The following UTP4 variants were observed in gnomAD, a reference collection of about 807,000 sequenced individuals.
The protein encoded by UTP4 is UTP4 small subunit processome component.
Under a neutral mutation model 82.4 loss-of-function variants are expected in UTP4, and 45 were observed. The ratio of observed to expected loss-of-function variants is 0.55; its 90% CI spans 0.43 to 0.70. UTP4 has a LOEUF of 0.70. Ranked by LOEUF, UTP4 falls within the 30% of genes least tolerant of loss-of-function variation. The pLI is 0.00. For synonymous variants in UTP4, 348 were observed against 300.3 expected, an observed-to-expected ratio of 1.16 and a Z score of -1.64; for missense variants, 819 against 858.3, an observed-to-expected ratio of 0.95 and a Z score of 0.57.
chr16:69,165,903 T>C (rs1382921603), intron 15 of UTP4: 3 of 374,374 alleles, frequency 8.0e-6, no homozygotes, highest in Non-Finnish European at 1.5e-5. Context: ...CTTTGAACTC[T>C]GGGGTATCTG....
At chr16:69,155,183 T>A (rs1399295989) in intron 10 of UTP4, among the ~76,000 whole-genome samples, 1 of 152,216 alleles carries the variant, frequency 6.6e-6, no homozygotes, top group African/African-American at 2.4e-5. Flanking sequence ...TTTGTTTGCT[T>A]ACTTTTTTGA....
intron 14 of UTP4, among the ~76,000 whole-genome samples, chr16:69,164,791 G>T (rs1050349078): frequency 6.6e-6 from 1 of 151,900 alleles, no homozygotes; most frequent in African/African-American, 2.4e-5. Flanking sequence ...CTGTGTTTCA[G>T]AATGGGCATG....
Position 69,150,670 on chromosome 16 carries a change from G to A in UTP4, c.872G>A (p.Arg291His), listed in dbSNP as rs760350216. 27 of 1,614,094 alleles carry A rather than the reference G, an allele frequency of 1.7e-5. No homozygotes were observed. Among genetic ancestry groups the A allele is most frequent in the African/African-American group, 4.0e-5 (3 of 74,942 alleles). The change falls in exon 7 of 17, where the codon CGC (arginine) becomes CAC (histidine). Residue 291 changes from arginine (R) to histidine (H), a missense_variant. Transcript: ENST00000314423. ...TTCCAGCATCACACTCATGACGTGCGCACTGTGGCCCACAGCCCAACAGCG... is the reference window on the plus strand; with the variant it reads ...TTCCAGCATCACACTCATGACGTGCACACTGTGGCCCACAGCCCAACAGCG... ...KPFQHHTHDV[R>H]TVAHSPTALI...
In UTP4 at chr16:69,136,448, C is replaced by T. The variant is rs188241267; in HGVS notation, c.160-248C>T. ...TCACTCTGTCGTCCAGGCTGGAATG[C>T]AGTTCAAACCTTTTCTGCTGAAAAT... On this transcript the variant is annotated intron_variant, in intron 2 of 16. Transcript: ENST00000314423. Among the ~76,000 whole-genome samples, 3 of 152,328 alleles carry T rather than the reference C, an allele frequency of 2.0e-5. No individual in the cohort carries two copies. In the East Asian group the frequency reaches 5.8e-4, roughly 29 times the overall value.
intron 12 of UTP4, among the ~76,000 whole-genome samples, chr16:69,158,936 C>T (rs1963495046): frequency 6.6e-6 from 1 of 152,148 alleles, no homozygotes; most frequent in African/African-American, 2.4e-5. Flanking sequence ...TTTAAAGTCT[C>T]TAGATGACAA....
Position 69,137,818 on chromosome 16 carries a change from A to C in UTP4, c.369A>C (p.Gly123=). ...TCAAATAGGTTGGTTGTGAAGATGG[A>C]TCTGTGAAACTATTTCAAATTACCC... ...GSQLLVGCED[G]SVKLFQITPD... is the part of the protein sequence containing the mutation. The change falls in exon 4 of 17, where the codon GGA becomes GGC. Residue 123 remains glycine (G), a synonymous_variant. Coordinates refer to ENST00000314423, the MANE Select transcript of UTP4 (RefSeq NM_032830.3). 2.5e-6 allele frequency: 4 copies of C among 1,611,222 alleles called. No individual in the cohort carries two copies. Among genetic ancestry groups the C allele is most frequent in the Non-Finnish European group, 3.4e-6 (4 of 1,177,352 alleles).
At chr16:69,154,489 G>A in intron 10 of UTP4, 32 bp downstream of exon 10, 3 of 1,484,144 alleles carry the variant, frequency 2.0e-6, no homozygotes, top group Non-Finnish European at 2.8e-6. Flanking sequence ...CTGAATTCTA[G>A]AGCCTGAATT....
intron 11 of UTP4, among the ~76,000 whole-genome samples, chr16:69,156,772 T>C (rs566791573): frequency 1.3e-5 from 2 of 152,370 alleles, no homozygotes; most frequent in Non-Finnish European, 2.9e-5. Flanking sequence ...CCAGCCTTTA[T>C]TTCCATTTTG....
chr16:69,160,798 G>C (rs966523367), intron 13 of UTP4, among the ~76,000 whole-genome samples: 1 of 151,958 alleles, frequency 6.6e-6, no homozygotes, highest in Admixed American at 6.6e-5. Flanking sequence ...GTTTCACCGT[G>C]TTGCTCAGGC....
chr16:69,145,379 G>C (rs1450753746), intron 6 of UTP4, among the ~76,000 whole-genome samples: 1 of 151,876 alleles, frequency 6.6e-6, no homozygotes, highest in Non-Finnish European at 1.5e-5. Flanking sequence ...TCCTGACTCA[G>C]CCTCCCAAGT....
At chr16:69,156,239 C>T (rs1157533452) in intron 11 of UTP4, among the ~76,000 whole-genome samples, 1 of 150,576 alleles carries the variant, frequency 6.6e-6, no homozygotes, top group African/African-American at 2.4e-5. Context: ...ACTGCAACCT[C>T]CGCCTCTTGG....
In UTP4 at chr16:69,150,853, G is replaced by A; in HGVS notation, c.951G>A (p.Lys317=). ...TAGTCTTTCGTCCTCTCATGGAGAA[G>A]GTGGAAGTAAAGAATTACGATGCCG... ...THLVFRPLME[K]VEVKNYDAAL... is the part of the protein sequence containing the mutation. Residue 317 remains lysine (K), a synonymous_variant, in exon 8 of 17, where the codon AAG becomes AAA. Coordinates refer to ENST00000314423, the MANE Select transcript of UTP4 (RefSeq NM_032830.3). The A allele has an allele frequency of 6.2e-7, 1 of 1,614,134 alleles. No individual in the cohort carries two copies. Among genetic ancestry groups the A allele is most frequent in the African/African-American group, 1.3e-5 (1 of 75,026 alleles).
intron 8 of UTP4, 141 bp from the exon 9 acceptor site, chr16:69,153,443 A>C: frequency 1.4e-6 from 1 of 701,364 alleles, no homozygotes; most frequent in Admixed American, 2.0e-5. Context: ...AGTGCCTGGC[A>C]TATGGGAGTA....
rs778848167 is a variant in UTP4 at position 69,167,219 on chromosome 16, G to A, written c.1944+34G>A. The A allele has an allele frequency of 4.9e-6, 7 of 1,416,426 alleles. No individual in the cohort carries two copies. In the East Asian group the frequency reaches 1.6e-4, roughly 32 times the overall value. 87.7% of individuals were successfully genotyped at this position (1,416,426 alleles called of 1,614,324 possible). On this transcript the variant is annotated intron_variant, in intron 16 of 16. Coordinates refer to ENST00000314423, the MANE Select transcript of UTP4 (RefSeq NM_032830.3). ...TCTTGTGTTGTTATTCTGGATAGTT[G>A]GTTCCTTTGTGATACCAAAATGTAA...
chr16:69,150,813 G>A lies in UTP4; in HGVS notation c.911G>A (p.Gly304Asp). The change falls in exon 8 of 17, where the codon GGC (glycine) becomes GAC (aspartate). Residue 304 changes from glycine to aspartate, a missense_variant and splice_region_variant. Coordinates refer to ENST00000314423, the MANE Select transcript of UTP4 (RefSeq NM_032830.3). ...TACACCTTCTCCCCTGCTTTCCCAG[G>A]CACTGACACCCACTTAGTCTTTCGT... ...AHSPTALISGGTDTHLVFRPL... is the reference protein window; with the variant it reads ...AHSPTALISGDTDTHLVFRPL... 2 of 1,613,912 alleles carry A rather than the reference G, an allele frequency of 1.2e-6. No individual in the cohort carries two copies. Among genetic ancestry groups the A allele is most frequent in the Non-Finnish European group, 1.7e-6 (2 of 1,179,828 alleles).
chr16:69,168,601 C>T (rs1255423735), intron 16 of UTP4, among the ~76,000 whole-genome samples: 1 of 151,998 alleles, frequency 6.6e-6, no homozygotes, highest in East Asian at 1.9e-4. Flanking sequence ...GCTCTCCTGC[C>T]TAGGCAACAT....
chr16:69,165,208 A>G (rs1963672111), intron 14 of UTP4, 133 bp from the exon 15 acceptor site: 1 of 736,254 alleles, frequency 1.4e-6, no homozygotes, highest in Non-Finnish European at 2.2e-6. Context: ...AAAAAAAAAA[A>G]GTGTTGGGAG....
intron 6 of UTP4, among the ~76,000 whole-genome samples, chr16:69,145,656 T>C (rs1045059890): frequency 3.9e-5 from 6 of 151,954 alleles, no homozygotes; most frequent in African/African-American, 1.5e-4. Flanking sequence ...TCCACTTTTG[T>C]CTTAGGCTAA....
intron 6 of UTP4, among the ~76,000 whole-genome samples, chr16:69,146,424 TG>T (rs1963109860): frequency 6.6e-6 from 1 of 152,252 alleles, no homozygotes; most frequent in South Asian, 2.1e-4. Flanking sequence ...CTTAGCATAT[TG>T]TTCTCAAGGT....
Sources: gnomAD v4.1 joint callset for allele counts (sites outside exome capture counted in the v4.1 genomes callset) on GRCh38, gnomAD v4.1.1 for gene constraint, MANE v1.5 for transcripts, NCBI Gene and HGNC (gene_info 2026-07-23, HGNC 2026-07-21) for gene names.